The following CTNNA1 variants were observed in gnomAD, a reference collection of about 807,000 sequenced individuals.
The protein encoded by CTNNA1 is catenin alpha-1.
A neutral mutation model predicts 98.4 loss-of-function variants in CTNNA1; 37 were observed. The ratio of observed to expected loss-of-function variants is 0.38; its 90% CI spans 0.29 to 0.49. The LOEUF is 0.49. CTNNA1 is among the 20% of genes least tolerant of loss of function. The probability of loss-of-function intolerance (pLI) is 0.95; values close to 1 mark genes in which losing one functional copy is unlikely to be tolerated. For synonymous variants in CTNNA1, 404 were observed against 413.2 expected (o/e 0.98, Z 0.27); for missense variants, 761 against 1,147.2 (o/e 0.66, Z 4.86).
chr5:138,815,868 T>C (rs1759381079), intron 5 of CTNNA1, among the ~76,000 whole-genome samples: 1 of 152,226 alleles, frequency 6.6e-6, no homozygotes, highest in Non-Finnish European at 1.5e-5. Context: ...TGGTCTTTTA[T>C]AGGCTTGGGC....
At chr5:138,860,390 C>T (rs1471942312) in intron 7 of CTNNA1, among the ~76,000 whole-genome samples, 1 of 152,114 alleles carries the variant, frequency 6.6e-6, no homozygotes, top group East Asian at 1.9e-4. Flanking sequence ...TTTTTTGACA[C>T]TTTAGGAATG....
At chr5:138,829,283 G>GATGGC (rs1761027261) in intron 7 of CTNNA1, among the ~76,000 whole-genome samples, 1 of 152,208 alleles carries the variant, frequency 6.6e-6, no homozygotes, top group African/African-American at 2.4e-5. Context: ...TATTTTAAAA[G>GATGGC]ATGGATATGT....
chr5:138,914,165 A>G (rs1415213784), intron 10 of CTNNA1, among the ~76,000 whole-genome samples: 1 of 152,256 alleles, frequency 6.6e-6, no homozygotes, highest in Non-Finnish European at 1.5e-5. Flanking sequence ...TATGCGATAT[A>G]TTACAAAGAA....
intron 7 of CTNNA1, among the ~76,000 whole-genome samples, chr5:138,846,977 T>C (rs1233907798): frequency 6.6e-6 from 1 of 152,214 alleles, no homozygotes; most frequent in African/African-American, 2.4e-5. Context: ...GAAAAGGAAC[T>C]AATTTTTCTA....
chr5:138,814,687 A>G (rs1759231679), intron 5 of CTNNA1, among the ~76,000 whole-genome samples: 1 of 152,260 alleles, frequency 6.6e-6, no homozygotes, highest in Non-Finnish European at 1.5e-5. Flanking sequence ...TATTTAGACA[A>G]AATAAACATT....
chr5:138,869,701 G>A (rs779231655), intron 7 of CTNNA1: 7 of 152,586 alleles, frequency 4.6e-5, no homozygotes, highest in Non-Finnish European at 7.4e-5. Flanking sequence ...CTAGCTCTTG[G>A]TGACTAGCAT....
intron 7 of CTNNA1, among the ~76,000 whole-genome samples, chr5:138,854,570 G>A (rs1001726855): frequency 7.2e-5 from 11 of 152,276 alleles, no homozygotes; most frequent in African/African-American, 2.2e-4. Flanking sequence ...CTGCAATAGC[G>A]TAAAATATAG....
At chr5:138,802,926 T>C (rs528381561) in intron 3 of CTNNA1, among the ~76,000 whole-genome samples, 2 of 151,670 alleles carry the variant, frequency 1.3e-5, no homozygotes, top group East Asian at 3.9e-4. Flanking sequence ...GCCTCCTGAG[T>C]AGCTGGGATT....
intron 7 of CTNNA1, among the ~76,000 whole-genome samples, chr5:138,855,901 A>G (rs552210810): frequency 7.3e-4 from 111 of 152,292 alleles, no homozygotes; most frequent in African/African-American, 2.6e-3. Context: ...ATTACTTGAG[A>G]CTTTGAAGAG....
In CTNNA1 at chr5:138,820,493, T is replaced by C. The variant is rs115752747; in HGVS notation, c.589-4037T>C. Among the ~76,000 whole-genome samples, 975 of 152,220 alleles carry C rather than the reference T, an allele frequency of 6.4e-3. 8 individuals are homozygous for C. Among genetic ancestry groups the C allele is most frequent in the African/African-American group, 0.02 (850 of 41,538 alleles). On this transcript the variant is annotated intron_variant, in intron 5 of 17. Coordinates refer to ENST00000302763, the MANE Select transcript of CTNNA1 (RefSeq NM_001903.5). ...CAGGGACAGTGGTGAGGTCTGTATGTGTCCAAGGTGTTGATGGGGGTTGCT... is the reference window on the plus strand; with the variant it reads ...CAGGGACAGTGGTGAGGTCTGTATGCGTCCAAGGTGTTGATGGGGGTTGCT...
intron 16 of CTNNA1, 86 bp from the exon 17 acceptor site, chr5:138,932,492 A>ACACTGAAC: frequency 6.4e-7 from 1 of 1,556,100 alleles, no homozygotes; most frequent in East Asian, 2.3e-5. Context: ...TGTGAGTGCC[A>ACACTGAAC]CACTGAACCT....
intron 9 of CTNNA1, 101 bp downstream of exon 9, chr5:138,887,743 T>A: frequency 1.1e-6 from 1 of 929,286 alleles, no homozygotes; most frequent in Non-Finnish European, 1.7e-6. Flanking sequence ...AGGGCTCGCT[T>A]AACATACAAC....
intron 5 of CTNNA1, among the ~76,000 whole-genome samples, chr5:138,818,610 A>G (rs1349790415): frequency 6.6e-6 from 1 of 151,954 alleles, no homozygotes; most frequent in Non-Finnish European, 1.5e-5. Context: ...CAGCTTCTTC[A>G]CCTGTGTTCA....
chr5:138,837,460 C>CTCCTCCCCCTCCTCTTGA (rs1761888148), intron 7 of CTNNA1, among the ~76,000 whole-genome samples: 1 of 137,338 alleles, frequency 7.3e-6, no homozygotes, highest in Non-Finnish European at 1.6e-5. Flanking sequence ...CCTGTTCCTC[C>CTCCTCCCCCTCCTCTTGA]TCCTCCCCCT....
intron 9 of CTNNA1, among the ~76,000 whole-genome samples, chr5:138,901,475 G>C (rs559340380): frequency 6.6e-6 from 1 of 151,864 alleles, no homozygotes; most frequent in South Asian, 2.1e-4. Flanking sequence ...CTTTTTTTGG[G>C]ACATGGTCTT....
chr5:138,928,456 C>T (rs1764597621), intron 13 of CTNNA1, among the ~76,000 whole-genome samples: 1 of 152,158 alleles, frequency 6.6e-6, no homozygotes, highest in Admixed American at 6.5e-5. Context: ...CTCCAAGCAG[C>T]CTTGGTACCC....
At chr5:138,836,071 G>C (rs1410608831) in intron 7 of CTNNA1, among the ~76,000 whole-genome samples, 1 of 152,154 alleles carries the variant, frequency 6.6e-6, no homozygotes. Context: ...GGCTGGTCTC[G>C]AACACCTGGC....
chr5:138,857,535 T>C (rs772061765), intron 7 of CTNNA1, among the ~76,000 whole-genome samples: 3 of 152,166 alleles, frequency 2.0e-5, no homozygotes, highest in Non-Finnish European at 4.4e-5. Flanking sequence ...CAGGGTGGTC[T>C]CCAACTCCTG....
intron 15 of CTNNA1, 63 bp downstream of exon 15, chr5:138,930,717 G>A: frequency 6.3e-7 from 1 of 1,578,088 alleles, no homozygotes; most frequent in South Asian, 1.1e-5. Flanking sequence ...CAGGTCACCT[G>A]CGCAGCGGCT....
Sources: allele counts gnomAD v4.1 joint callset (sites outside exome capture counted in the v4.1 genomes callset), GRCh38; gene constraint gnomAD v4.1.1; transcripts MANE v1.5; gene names NCBI Gene and HGNC (gene_info 2026-07-23, HGNC 2026-07-21).